The following ESRRG variants were observed in gnomAD, a reference collection of about 807,000 sequenced individuals.
ESRRG encodes estrogen related receptor gamma, also known as estrogen-related receptor gamma.
In ESRRG, 13 loss-of-function variants were observed where a neutral mutation model predicts 44.0. The observed-to-expected ratio is 0.30, with a 90% confidence interval of 0.19 to 0.47. The LOEUF (loss-of-function observed/expected upper bound fraction) is 0.47, where lower values mean the gene tolerates loss of function less well. Among genes scored for constraint, ESRRG ranks in the 20% least tolerant of loss-of-function variants. The pLI, the probability that ESRRG is intolerant of heterozygous loss-of-function variation, is 1.00. For synonymous variants in ESRRG, 215 were observed against 214.6 expected (o/e 1.00, Z -0.02); for missense variants, 395 against 580.6 (o/e 0.68, Z 3.29).
intron 2 of ESRRG, among the ~76,000 whole-genome samples, chr1:216,868,234 T>C (rs2096204729): frequency 6.6e-6 from 1 of 151,890 alleles, no homozygotes; most frequent in Non-Finnish European, 1.5e-5. Flanking sequence ...ATTACAGGCA[T>C]GCGCCACCAT....
At chr1:216,582,076 CCTAA>C (rs5780896) in intron 3 of ESRRG, among the ~76,000 whole-genome samples, 1,790 of 152,260 alleles carry the variant, frequency 0.012, 38 homozygotes, top group African/African-American at 0.041. Flanking sequence ...GATTAAATTA[CCTAA>C]CTATTTAAGT....
At chr1:216,601,397 A>AG (rs757471337) in intron 3 of ESRRG, among the ~76,000 whole-genome samples, 5 of 152,110 alleles carry the variant, frequency 3.3e-5, no homozygotes, top group Admixed American at 2.0e-4. Flanking sequence ...GCCGCGAAGG[A>AG]GGGGGGCTCC....
At chr1:216,861,736 C>T (rs2096058509) in intron 2 of ESRRG, among the ~76,000 whole-genome samples, 1 of 152,018 alleles carries the variant, frequency 6.6e-6, no homozygotes, top group African/African-American at 2.4e-5. Flanking sequence ...TTAAAAGACA[C>T]TGTTGTGAGA....
At chr1:216,759,599 T>A (rs1159793510) in intron 2 of ESRRG, among the ~76,000 whole-genome samples, 2 of 152,130 alleles carry the variant, frequency 1.3e-5, no homozygotes, top group African/African-American at 4.8e-5. Context: ...AATCTGAAGC[T>A]CCTTACATAG....
At chr1:216,576,750 T>A (rs1049858970) in intron 3 of ESRRG, among the ~76,000 whole-genome samples, 1 of 152,038 alleles carries the variant, frequency 6.6e-6, no homozygotes, top group African/African-American at 2.4e-5. Context: ...GGAGAGATGT[T>A]GCTCTACCAG....
At position 216,506,469 on chromosome 1, in the gene ESRRG, A is replaced by G. The variant is rs2041228401; in HGVS notation, c.*470T>C. On this transcript the variant is annotated 3_prime_UTR_variant, in exon 7 of 7. Transcript: ENST00000408911. ...AAGAGGAAAGGAAAGGAAAGGGAAA[A>G]GGAAAGGGAAAAAGGAAAGAAAGGG... is the stretch of plus-strand genomic sequence containing the variant. 2 of 343,440 alleles carry G rather than the reference A, an allele frequency of 5.8e-6. No homozygotes were observed. Among genetic ancestry groups the G allele is most frequent in the Non-Finnish European group, 1.1e-5 (2 of 176,912 alleles). 21.3% of individuals were successfully genotyped at this position (343,440 alleles called of 1,614,324 possible). A position where few individuals can be genotyped will look rare whatever the true frequency, so the allele number is the denominator to read the frequency against.
intron 1 of ESRRG, among the ~76,000 whole-genome samples, chr1:216,688,865 G>A (rs1451178915): frequency 1.3e-5 from 2 of 152,134 alleles, no homozygotes; most frequent in African/African-American, 4.8e-5. Flanking sequence ...AAGGAAACTC[G>A]AGAGAGTGGT....
At chr1:216,754,900 T>A (rs1258179824) in intron 2 of ESRRG, among the ~76,000 whole-genome samples, 15 of 151,774 alleles carry the variant, frequency 9.9e-5, no homozygotes, top group Admixed American at 9.2e-4. Context: ...AATGCATCCA[T>A]CCATTCATTC....
intron 5 of ESRRG, among the ~76,000 whole-genome samples, chr1:216,524,231 A>T (rs1419996563): frequency 1.6e-5 from 2 of 127,234 alleles, no homozygotes; most frequent in Admixed American, 8.0e-5. Flanking sequence ...ATATATATAC[A>T]TATATATATA....
At chr1:216,755,014 G>T (rs2092358232) in intron 2 of ESRRG, among the ~76,000 whole-genome samples, 1 of 151,838 alleles carries the variant, frequency 6.6e-6, no homozygotes, top group African/African-American at 2.4e-5. Context: ...AGGAGAGTAT[G>T]GCTTTCATGT....
At chr1:217,030,370 T>G (rs2081903904) in intron 1 of ESRRG, among the ~76,000 whole-genome samples, 1 of 152,120 alleles carries the variant, frequency 6.6e-6, no homozygotes, top group Non-Finnish European at 1.5e-5. Context: ...AACTCAACCA[T>G]TTTCCTATGA....
chr1:217,107,822 G>T (rs1043104360), intron 1 of ESRRG, among the ~76,000 whole-genome samples: 12 of 152,102 alleles, frequency 7.9e-5, no homozygotes, highest in African/African-American at 2.9e-4. Context: ...TTTTATGACT[G>T]CTGAGTCAGA....
At chr1:217,026,912 C>CACACACACACAGAG (rs1255637839) in intron 1 of ESRRG, among the ~76,000 whole-genome samples, 10 of 93,406 alleles carry the variant, frequency 1.1e-4, no homozygotes, top group Admixed American at 3.6e-4. Flanking sequence ...CACACACACA[C>CACACACACACAGAG]AGAGAGAGAG....
chr1:216,601,010 C>T (rs1267991624), intron 3 of ESRRG, among the ~76,000 whole-genome samples: 2 of 152,206 alleles, frequency 1.3e-5, no homozygotes, highest in African/African-American at 2.4e-5. Context: ...GCGTTCCTCC[C>T]CGGTTCTCTG....
intron 1 of ESRRG, among the ~76,000 whole-genome samples, chr1:216,985,076 T>C (rs1346116141): frequency 6.6e-6 from 1 of 152,214 alleles, no homozygotes; most frequent in Non-Finnish European, 1.5e-5. Flanking sequence ...ATGGAACCCC[T>C]TTATGGCAGG....
intron 1 of ESRRG, among the ~76,000 whole-genome samples, chr1:217,014,432 T>C (rs542633425): frequency 6.6e-6 from 1 of 152,310 alleles, no homozygotes; most frequent in South Asian, 2.1e-4. Flanking sequence ...TAGTTTTCAT[T>C]CTGTACTGCT....
intron 2 of ESRRG, chr1:216,865,051 A>T (rs1000918930): frequency 6.6e-6 from 1 of 152,042 alleles, no homozygotes; most frequent in African/African-American, 2.4e-5. Context: ...AAGGAAAATG[A>T]TACTTTTACC....
chr1:216,875,687 G>A (rs1297751661), intron 2 of ESRRG, among the ~76,000 whole-genome samples: 1 of 151,576 alleles, frequency 6.6e-6, no homozygotes, highest in East Asian at 1.9e-4. Flanking sequence ...TGAAAATTTG[G>A]GTTTGTTCCA....
chr1:216,708,526 G>A (rs970745298), intron 1 of ESRRG, among the ~76,000 whole-genome samples: 1 of 152,030 alleles, frequency 6.6e-6, no homozygotes, highest in African/African-American at 2.4e-5. Flanking sequence ...ACCATCTCAC[G>A]CCAGCTACAA....
Sources: allele counts gnomAD v4.1 joint callset (sites outside exome capture counted in the v4.1 genomes callset), GRCh38; gene constraint gnomAD v4.1.1; transcripts MANE v1.5; gene names NCBI Gene and HGNC (gene_info 2026-07-23, HGNC 2026-07-21).